The following RGS7 variants were observed in gnomAD, a reference collection of about 807,000 sequenced individuals.
The protein encoded by RGS7 is regulator of G-protein signaling 7.
Under a neutral mutation model 81.1 loss-of-function variants are expected in RGS7, and 27 were observed. The ratio of observed to expected loss-of-function variants is 0.33; its 90% CI spans 0.25 to 0.46. The LOEUF (loss-of-function observed/expected upper bound fraction) is 0.46, where lower values mean the gene tolerates loss of function less well. RGS7 is among the 20% of genes least tolerant of loss of function. The pLI, the probability that RGS7 is intolerant of heterozygous loss-of-function variation, is 1.00. For missense variants in RGS7, 396 were observed against 607.4 expected (o/e 0.65, Z 3.66); for synonymous variants, 208 against 207.7 (o/e 1.00, Z -0.01).
intron 9 of RGS7, among the ~76,000 whole-genome samples, chr1:240,836,347 A>G (rs1274854432): frequency 2.0e-5 from 3 of 152,230 alleles, no homozygotes; most frequent in African/African-American, 7.2e-5. Flanking sequence ...GGCAAAGCAG[A>G]AGCAAGGGGC....
At chr1:240,886,648 T>C (rs1033646692) in intron 6 of RGS7, among the ~76,000 whole-genome samples, 1 of 152,000 alleles carries the variant, frequency 6.6e-6, no homozygotes, top group East Asian at 1.9e-4. Flanking sequence ...ATAAGCAGAG[T>C]GTTAAAAATA....
intron 4 of RGS7, among the ~76,000 whole-genome samples, chr1:240,956,333 T>C (rs1176871339): frequency 1.3e-5 from 2 of 150,224 alleles, no homozygotes; most frequent in Non-Finnish European, 3.0e-5. Context: ...TTGAATTAAG[T>C]AATTTTATAT....
At chr1:241,149,259 C>G (rs1338035768) in intron 2 of RGS7, among the ~76,000 whole-genome samples, 1 of 152,004 alleles carries the variant, frequency 6.6e-6, no homozygotes, top group African/African-American at 2.4e-5. Context: ...CTCCACCTCT[C>G]AGGTTCAGGT....
At chr1:241,059,221 C>T (rs965995577) in intron 3 of RGS7, among the ~76,000 whole-genome samples, 4 of 152,140 alleles carry the variant, frequency 2.6e-5, no homozygotes, top group African/African-American at 9.7e-5. Context: ...TGTCACTGGT[C>T]CTTCTCTTCT....
chr1:241,274,361 T>C (rs1241918342), intron 2 of RGS7, among the ~76,000 whole-genome samples: 1 of 152,216 alleles, frequency 6.6e-6, no homozygotes, highest in East Asian at 1.9e-4. Flanking sequence ...ACCTAACTGG[T>C]AAAAGATTAG....
At chr1:240,781,408 C>G (rs1684055523) in intron 18 of RGS7, among the ~76,000 whole-genome samples, 1 of 152,074 alleles carries the variant, frequency 6.6e-6, no homozygotes, top group South Asian at 2.1e-4. Context: ...GAGTTCGAGA[C>G]CAGTCTGGCC....
At chr1:241,319,083 C>T (rs186913818) in intron 2 of RGS7, among the ~76,000 whole-genome samples, 9 of 152,258 alleles carry the variant, frequency 5.9e-5, no homozygotes, top group African/African-American at 2.2e-4. Flanking sequence ...AACTTGAAAT[C>T]CATACAGATG....
chr1:241,201,700 A>G (rs2073513060), intron 2 of RGS7, among the ~76,000 whole-genome samples: 1 of 152,126 alleles, frequency 6.6e-6, no homozygotes, highest in Non-Finnish European at 1.5e-5. Context: ...GGTACTTTAT[A>G]TGCTATAATT....
chr1:240,950,521 A>C (rs985874061), intron 4 of RGS7, among the ~76,000 whole-genome samples: 2 of 152,218 alleles, frequency 1.3e-5, no homozygotes, highest in African/African-American at 4.8e-5. Context: ...ACAGCTGGGA[A>C]AGGAAGATAG....
At chr1:240,813,966 T>C (rs2103108070) in intron 12 of RGS7, among the ~76,000 whole-genome samples, 1 of 152,296 alleles carries the variant, frequency 6.6e-6, no homozygotes, top group South Asian at 2.1e-4. Flanking sequence ...TGTAAATCAG[T>C]ATCCCTTGGT....
At chr1:240,961,346 A>G (rs887758577) in intron 4 of RGS7, among the ~76,000 whole-genome samples, 20 of 151,904 alleles carry the variant, frequency 1.3e-4, no homozygotes, top group Non-Finnish European at 2.8e-4. Context: ...CAGATAATCC[A>G]AAGTGATGTC....
chr1:241,354,659 A>G (rs1035363601), intron 2 of RGS7, among the ~76,000 whole-genome samples: 5 of 152,204 alleles, frequency 3.3e-5, no homozygotes, highest in Non-Finnish European at 7.4e-5. Context: ...ATCTTTATTC[A>G]TAATCAGCTC....
chr1:241,098,811 G>A (rs752759805), intron 2 of RGS7, 49 bp from the exon 3 acceptor site: 28 of 1,394,202 alleles, frequency 2.0e-5, no homozygotes, highest in Middle Eastern at 1.8e-4. Context: ...GAACTTTTTT[G>A]AAAAAAAATC....
chr1:241,040,522 A>G (rs764620813), intron 3 of RGS7, among the ~76,000 whole-genome samples: 7 of 146,518 alleles, frequency 4.8e-5, no homozygotes, highest in Non-Finnish European at 9.2e-5. Flanking sequence ...TTTATTTAAG[A>G]CTGAGTTTCG....
At chr1:241,062,955 C>T (rs148064231) in intron 3 of RGS7, among the ~76,000 whole-genome samples, 38 of 152,320 alleles carry the variant, frequency 2.5e-4, no homozygotes, top group African/African-American at 9.1e-4. Flanking sequence ...ATCAACACCA[C>T]TCCATACAAA....
At chr1:240,783,609 C>T (rs1684499293) in intron 18 of RGS7, among the ~76,000 whole-genome samples, 1 of 150,838 alleles carries the variant, frequency 6.6e-6, no homozygotes, top group Non-Finnish European at 1.5e-5. Flanking sequence ...GGTGACGGAG[C>T]GAGACTCTGT....
intron 3 of RGS7, among the ~76,000 whole-genome samples, chr1:241,038,527 G>A (rs1331946876): frequency 6.6e-6 from 1 of 152,180 alleles, no homozygotes; most frequent in Admixed American, 6.5e-5. Flanking sequence ...GGGTATAATT[G>A]CTGACATAGG....
At chr1:240,887,537 T>C (rs1301597679) in intron 6 of RGS7, among the ~76,000 whole-genome samples, 1 of 152,188 alleles carries the variant, frequency 6.6e-6, no homozygotes, top group East Asian at 1.9e-4. Flanking sequence ...TATAGAGTTC[T>C]TTTTTAAGTG....
At chr1:240,998,148 G>A (rs1327996393) in intron 3 of RGS7, among the ~76,000 whole-genome samples, 6 of 152,052 alleles carry the variant, frequency 3.9e-5, no homozygotes, top group Admixed American at 6.6e-5. Flanking sequence ...TGGCATCCAC[G>A]GTTTTTCTCA....
Sources: allele counts gnomAD v4.1 joint callset (sites outside exome capture counted in the v4.1 genomes callset), GRCh38; gene constraint gnomAD v4.1.1; transcripts MANE v1.5; gene names NCBI Gene and HGNC (gene_info 2026-07-23, HGNC 2026-07-21).